The following PILRA variants were observed in gnomAD, a reference collection of about 807,000 sequenced individuals.
PILRA encodes paired immunoglobulin-like type 2 receptor alpha.
Under a neutral mutation model 33.1 loss-of-function variants are expected in PILRA, and 37 were observed. That is an observed-to-expected ratio of 1.12 (90% CI 0.86 to 1.47). PILRA has a LOEUF of 1.47. Ranked by LOEUF, PILRA falls within the 40% of genes most tolerant of loss-of-function variation. The pLI is 0.00. For synonymous variants in PILRA, 146 were observed against 149.9 expected, an observed-to-expected ratio of 0.97 and a Z score of 0.19; for missense variants, 312 against 376.2, an observed-to-expected ratio of 0.83 and a Z score of 1.41.
chr7:100,387,340 A>C (rs1791276718), intron 2 of PILRA, among the ~76,000 whole-genome samples: 1 of 152,120 alleles, frequency 6.6e-6, no homozygotes, highest in South Asian at 2.1e-4. Context: ...CAGCCTCCCA[A>C]GTAGCTGGGA....
chr7:100,373,430 G>C (rs907333114), upstream of PILRA: 12 of 604,532 alleles, frequency 2.0e-5, no homozygotes, highest in South Asian at 2.1e-4. Flanking sequence ...CTGACCACAA[G>C]GGAGGCCCTT....
intron 2 of PILRA, among the ~76,000 whole-genome samples, chr7:100,385,293 T>G (rs1300334948): frequency 6.6e-6 from 1 of 152,252 alleles, no homozygotes; most frequent in African/African-American, 2.4e-5. Flanking sequence ...GTCTGAATTA[T>G]GTGCCGATTG....
chr7:100,399,562 C>T lies in PILRA; in HGVS notation c.758-19C>T, dbSNP rs756687261. The stretch of plus-strand genomic sequence containing the variant: ...TGTCACGCCACCTGACCTTGGCACA[C>T]CTTGCTTTTTATTCTTAGGACAAAA... On this transcript the variant is annotated intron_variant, in intron 5 of 6. Transcript: ENST00000198536. 6.2e-7 allele frequency: 1 copy of T among 1,614,150 alleles called. No individual in the cohort carries two copies. The highest frequency in any genetic ancestry group is 1.1e-5 in the South Asian group (1 of 91,086).
intron 2 of PILRA, among the ~76,000 whole-genome samples, chr7:100,389,321 T>C (rs1791324309): frequency 1.3e-5 from 2 of 152,060 alleles, no homozygotes; most frequent in Admixed American, 1.3e-4. Flanking sequence ...GGTTCTGGAG[T>C]TGGATGGTGT....
chr7:100,373,684 C>T lies in PILRA; in HGVS notation c.28C>T (p.Leu10=), dbSNP rs374422668. The T allele has an allele frequency of 2.7e-5, 43 of 1,613,092 alleles. No homozygotes were observed. Among genetic ancestry groups the T allele is most frequent in the Non-Finnish European group, 3.5e-5 (41 of 1,179,620 alleles). MGRPLLLPL[L]PLLLPPAFLQ... ...GGGTCGGCCCCTGCTGCTGCCCCTA[C>T]TGCCCTTGCTGCTGCCGCCAGCATT... Residue 10 remains leucine (L), a synonymous_variant, in exon 1 of 7, where the codon CTG becomes TTG. Transcript: ENST00000198536.
upstream of PILRA, chr7:100,373,385 G>A (rs935959206): frequency 7.0e-6 from 4 of 571,744 alleles, no homozygotes; most frequent in Non-Finnish European, 1.3e-5. Context: ...GCAGGAGGAC[G>A]GGGACCGCGG....
At chr7:100,392,021 G>A (rs1260570744) in intron 3 of PILRA, among the ~76,000 whole-genome samples, 1 of 151,986 alleles carries the variant, frequency 6.6e-6, no homozygotes, top group Non-Finnish European at 1.5e-5. Context: ...GTTTGCAATG[G>A]GCTAGGCATG....
intron 3 of PILRA, among the ~76,000 whole-genome samples, chr7:100,393,435 T>C (rs1791430423): frequency 6.6e-6 from 1 of 152,098 alleles, no homozygotes; most frequent in African/African-American, 2.4e-5. Flanking sequence ...GAAGTGGAGT[T>C]TGAGGATTCA....
chr7:100,397,497 G>A (rs938950891), intron 3 of PILRA, among the ~76,000 whole-genome samples: 7 of 151,896 alleles, frequency 4.6e-5, no homozygotes, highest in Non-Finnish European at 4.4e-5. Flanking sequence ...CACAGGCACG[G>A]TCTCCCTGAG....
chr7:100,374,569 C>A (rs780125341), intron 2 of PILRA, 136 bp downstream of exon 2: 2 of 981,368 alleles, frequency 2.0e-6, no homozygotes, highest in Non-Finnish European at 3.1e-6. Flanking sequence ...CCTAACACTT[C>A]CTCAGGCCTT....
intron 2 of PILRA, among the ~76,000 whole-genome samples, chr7:100,386,843 A>C (rs926467090): frequency 2.6e-5 from 4 of 151,874 alleles, no homozygotes; most frequent in East Asian, 1.9e-4. Context: ...AAAAAAAAAA[A>C]CGACCAAAAA....
chr7:100,384,045 A>G (rs1791192125), intron 2 of PILRA, among the ~76,000 whole-genome samples: 1 of 152,164 alleles, frequency 6.6e-6, no homozygotes, highest in Non-Finnish European at 1.5e-5. Context: ...AGCTTGGCTT[A>G]GCGAGATGGC....
intron 2 of PILRA, among the ~76,000 whole-genome samples, chr7:100,374,960 A>G (rs1790912433): frequency 2.0e-5 from 3 of 152,052 alleles, no homozygotes. Context: ...GTCAAGCCCT[A>G]TCACCTGGGT....
intron 2 of PILRA, among the ~76,000 whole-genome samples, chr7:100,381,182 C>T (rs1439400126): frequency 6.6e-6 from 1 of 152,072 alleles, no homozygotes; most frequent in Admixed American, 6.5e-5. Context: ...AGGAGAATGG[C>T]GCGAACCCGG....
chr7:100,373,320 GGGCCCAGCCAGCCAAGGTCA>G (rs1168210899), upstream of PILRA: 7 of 513,990 alleles, frequency 1.4e-5, no homozygotes, highest in East Asian at 1.6e-4. Context: ...CAGGTGGGAG[GGGCCCAGCCAGCCAAGGTCA>G]GGCCCAGCCC....
At chr7:100,380,051 G>T (rs1243518132) in intron 2 of PILRA, among the ~76,000 whole-genome samples, 6 of 152,150 alleles carry the variant, frequency 3.9e-5, no homozygotes, top group Admixed American at 3.9e-4. Flanking sequence ...CAGAAGCAGG[G>T]AAACCTCCAT....
chr7:100,393,735 A>T (rs1020036242), intron 3 of PILRA, among the ~76,000 whole-genome samples: 1 of 152,078 alleles, frequency 6.6e-6, no homozygotes, highest in Non-Finnish European at 1.5e-5. Flanking sequence ...CTTCTGTCCC[A>T]AAGGTTGCCT....
intron 3 of PILRA, among the ~76,000 whole-genome samples, chr7:100,392,943 CAGTCTTCCT>C (rs1791417707): frequency 6.6e-6 from 1 of 152,142 alleles, no homozygotes; most frequent in Non-Finnish European, 1.5e-5. Context: ...GCAGTAGAGA[CAGTCTTCCT>C]CAGTATGACC....
chr7:100,386,239 G>A (rs568495218), intron 2 of PILRA, among the ~76,000 whole-genome samples: 16 of 152,248 alleles, frequency 1.1e-4, no homozygotes, highest in African/African-American at 1.9e-4. Context: ...GCTGCTCTTC[G>A]CAGAGCAGGG....
Sources: gnomAD v4.1 joint callset for allele counts (sites outside exome capture counted in the v4.1 genomes callset) on GRCh38, gnomAD v4.1.1 for gene constraint, MANE v1.5 for transcripts, NCBI Gene and HGNC (gene_info 2026-07-23, HGNC 2026-07-21) for gene names.